Variants in SPAG16 observed in about 807,000 individuals in gnomAD.
SPAG16 encodes sperm-associated antigen 16 protein.
A neutral mutation model predicts 80.4 loss-of-function variants in SPAG16; 86 were observed. The observed-to-expected ratio is 1.07, with a 90% CI of 0.90 to 1.28. SPAG16 has a LOEUF of 1.28. Among genes scored for constraint, SPAG16 ranks in the 50% most tolerant of loss-of-function variants. SPAG16 has a pLI of 0.00. For missense variants in SPAG16, 870 were observed against 765.3 expected (o/e 1.14, Z -1.61); for synonymous variants, 294 against 265.9 (o/e 1.11, Z -1.03).
At chr2:213,965,572 C>T (rs2044667603) in intron 12 of SPAG16, among the ~76,000 whole-genome samples, 1 of 152,174 alleles carries the variant, frequency 6.6e-6, no homozygotes, top group African/African-American at 2.4e-5. Context: ...CAGAGGTGTT[C>T]TCTTTTTAGC....
chr2:213,938,609 ATT>A (rs2079080836), intron 12 of SPAG16, among the ~76,000 whole-genome samples: 1 of 151,972 alleles, frequency 6.6e-6, no homozygotes, highest in Non-Finnish European at 1.5e-5. Flanking sequence ...AACCACTATT[ATT>A]ATATCCCTAA....
intron 7 of SPAG16, among the ~76,000 whole-genome samples, chr2:213,351,692 A>G (rs1172638722): frequency 1.3e-5 from 2 of 152,040 alleles, no homozygotes; most frequent in Non-Finnish European, 2.9e-5. Flanking sequence ...TGATGATAAT[A>G]CTCTTTTGAA....
At chr2:213,646,715 T>G (rs1324405482) in intron 10 of SPAG16, among the ~76,000 whole-genome samples, 2 of 152,248 alleles carry the variant, frequency 1.3e-5, no homozygotes, top group Non-Finnish European at 2.9e-5. Context: ...TAGATATTAT[T>G]GTGTATAATT....
chr2:213,347,364 G>GT (rs1378167139), intron 6 of SPAG16, among the ~76,000 whole-genome samples: 3 of 152,066 alleles, frequency 2.0e-5, no homozygotes, highest in Non-Finnish European at 2.9e-5. Flanking sequence ...ATTTTGAAGG[G>GT]TTTTTTGTGT....
intron 10 of SPAG16, among the ~76,000 whole-genome samples, chr2:213,637,137 G>A (rs1347227357): frequency 6.6e-6 from 1 of 152,138 alleles, no homozygotes. Context: ...CTTCTATGCT[G>A]ATTTTGCTGA....
At chr2:213,962,492 G>T (rs2044495237) in intron 12 of SPAG16, among the ~76,000 whole-genome samples, 1 of 152,080 alleles carries the variant, frequency 6.6e-6, no homozygotes, top group African/African-American at 2.4e-5. Context: ...GCCAGAACTG[G>T]TATCCTTTTA....
chr2:213,742,870 T>C (rs2067634008), intron 10 of SPAG16, among the ~76,000 whole-genome samples: 1 of 151,742 alleles, frequency 6.6e-6, no homozygotes, highest in Admixed American at 6.6e-5. Context: ...GCTGCTTATT[T>C]CTTAATTCTA....
At chr2:213,654,827 A>G (rs1574666089) in intron 10 of SPAG16, among the ~76,000 whole-genome samples, 4 of 152,198 alleles carry the variant, frequency 2.6e-5, no homozygotes. Flanking sequence ...TTAAATGTCA[A>G]TGGAGAAAAA....
At chr2:213,285,862 A>G (rs1484944633) in intron 1 of SPAG16, 4 of 1,287,098 alleles carry the variant, frequency 3.1e-6, no homozygotes, top group African/African-American at 1.5e-5. Context: ...CTCTTTAACA[A>G]CGATTTTCAT....
rs202018441 is a variant in SPAG16 at position 214,305,092 on chromosome 2, C to CA, written c.1721-105048_1721-105047insA. On this transcript the variant is annotated intron_variant, in intron 15 of 15. Coordinates refer to ENST00000331683, the MANE Select transcript of SPAG16 (RefSeq NM_024532.5). ...TTCTGACTGGTGTGAGATGGTATCTCTTGTGGATTTGATTTGCATTTATCT... is the reference window on the plus strand; with the variant it reads ...TTCTGACTGGTGTGAGATGGTATCTCATTGTGGATTTGATTTGCATTTATCT... 8.4e-3 allele frequency among the ~76,000 whole-genome samples: 1,284 copies of CA among 152,132 alleles called. 17 individuals carry two copies. The highest frequency in any genetic ancestry group is 0.029 in the African/African-American group (1,211 of 41,512).
intron 10 of SPAG16, among the ~76,000 whole-genome samples, chr2:213,742,547 C>CTTTTTTTGTTTTTTTTTTT (rs1559428496): frequency 8.1e-5 from 2 of 24,812 alleles, no homozygotes; most frequent in Non-Finnish European, 1.7e-4. Context: ...TTGCTTATTT[C>CTTTTTTTGTTTTTTTTTTT]TTTTTTTTTT....
At chr2:213,587,155 T>G (rs2060501396) in intron 10 of SPAG16, among the ~76,000 whole-genome samples, 1 of 152,182 alleles carries the variant, frequency 6.6e-6, no homozygotes, top group South Asian at 2.1e-4. Context: ...GTGGAATGTC[T>G]CTGTGGAGAC....
chr2:213,334,977 G>C (rs1330210111), intron 5 of SPAG16, among the ~76,000 whole-genome samples: 1 of 152,126 alleles, frequency 6.6e-6, no homozygotes, highest in Non-Finnish European at 1.5e-5. Flanking sequence ...CAGGATAAAT[G>C]CTTGAGGGGA....
intron 10 of SPAG16, among the ~76,000 whole-genome samples, chr2:213,525,589 T>C (rs1559220872): frequency 6.6e-6 from 1 of 152,080 alleles, no homozygotes; most frequent in Non-Finnish European, 1.5e-5. Flanking sequence ...ACCTGGCCAA[T>C]TAAACCTCTT....
chr2:213,685,834 AT>A, intron 10 of SPAG16, among the ~76,000 whole-genome samples: 1 of 152,306 alleles, frequency 6.6e-6, no homozygotes, highest in Admixed American at 6.5e-5. Context: ...AAAATTATGA[AT>A]AAACCACAAA....
chr2:213,417,324 C>T (rs2069318637), intron 9 of SPAG16, among the ~76,000 whole-genome samples: 1 of 152,234 alleles, frequency 6.6e-6, no homozygotes, highest in Admixed American at 6.5e-5. Flanking sequence ...AGGGCTTTTG[C>T]AAATGCCAGG....
At chr2:213,350,247 G>C (rs1450360869) in intron 6 of SPAG16, among the ~76,000 whole-genome samples, 1 of 152,136 alleles carries the variant, frequency 6.6e-6, no homozygotes, top group Non-Finnish European at 1.5e-5. Context: ...ATGGGTAGCA[G>C]CAATCTTCTG....
At chr2:214,173,485 G>C (rs1343169195) in intron 15 of SPAG16, among the ~76,000 whole-genome samples, 1 of 152,034 alleles carries the variant, frequency 6.6e-6, no homozygotes, top group Non-Finnish European at 1.5e-5. Flanking sequence ...GTACCATGCT[G>C]TTTTGGTTAC....
At chr2:214,225,397 C>G (rs942880209) in intron 15 of SPAG16, among the ~76,000 whole-genome samples, 8 of 152,010 alleles carry the variant, frequency 5.3e-5, no homozygotes, top group Admixed American at 5.3e-4. Flanking sequence ...TGTGATAACC[C>G]AGGGGAAAGC....
Sources: allele counts gnomAD v4.1 joint callset (sites outside exome capture counted in the v4.1 genomes callset), GRCh38; gene constraint gnomAD v4.1.1; transcripts MANE v1.5; gene names NCBI Gene and HGNC (gene_info 2026-07-23, HGNC 2026-07-21).